NR1H4: variants seen among roughly 807,000 people sequenced by gnomAD.
The protein encoded by NR1H4 is nuclear receptor subfamily 1 group H member 4, also known as bile acid receptor.
NR1H4 carries 23 observed loss-of-function variants against 58.5 expected under a neutral mutation model. The ratio of observed to expected loss-of-function variants is 0.39; its 90% CI spans 0.28 to 0.56. The LOEUF is 0.56. Among genes scored for constraint, NR1H4 ranks in the 20% least tolerant of loss-of-function variants. NR1H4 has a pLI of 0.58. For synonymous variants in NR1H4, 214 were observed against 198.0 expected (o/e 1.08, Z -0.68); for missense variants, 487 against 576.9 (o/e 0.84, Z 1.60).
intron 4 of NR1H4, among the ~76,000 whole-genome samples, 181 bp downstream of exon 4, chr12:100,511,324 G>C (rs1954109849): frequency 6.6e-6 from 1 of 152,200 alleles, no homozygotes. Flanking sequence ...AAGACTGTTA[G>C]AGTATTTAGC....
At chr12:100,474,982 C>T (rs531431939) in intron 1 of NR1H4, among the ~76,000 whole-genome samples, 28 of 152,090 alleles carry the variant, frequency 1.8e-4, no homozygotes, top group Non-Finnish European at 3.2e-4. Flanking sequence ...CAGGAAGAAA[C>T]TTTTGGAGGT....
chr12:100,475,266 T>C (rs1367696918), intron 1 of NR1H4, among the ~76,000 whole-genome samples: 1 of 152,160 alleles, frequency 6.6e-6, no homozygotes, highest in Non-Finnish European at 1.5e-5. Flanking sequence ...ATAGACACTT[T>C]TATCTTTGTG....
intron 1 of NR1H4, among the ~76,000 whole-genome samples, chr12:100,483,985 G>GAAAAA (rs61582838): frequency 1.4e-4 from 10 of 70,188 alleles, no homozygotes; most frequent in African/African-American, 1.9e-4. Context: ...CTCTGTCTCA[G>GAAAAA]AAAAAAAAAA....
intron 8 of NR1H4, among the ~76,000 whole-genome samples, chr12:100,538,889 TA>T (rs1475063905): frequency 6.6e-6 from 1 of 152,214 alleles, no homozygotes; most frequent in East Asian, 1.9e-4. Context: ...AAGAGGAACT[TA>T]ATTTACTATA....
intron 9 of NR1H4, among the ~76,000 whole-genome samples, chr12:100,546,790 C>T (rs961759164): frequency 1.3e-5 from 2 of 152,134 alleles, no homozygotes; most frequent in African/African-American, 2.4e-5. Context: ...CTTCCTTTTG[C>T]CTGACCACAC....
rs1954822050 is a variant in NR1H4, at chr12:100,536,675, G to A, written c.831+65G>A. 4.4e-6 allele frequency: 4 copies of A among 907,494 alleles called. No homozygotes were observed. In the Admixed American group the frequency reaches 7.4e-5, roughly 17 times the overall value. The allele number at this position is 907,494 out of a possible 1,614,324, so 56.2% of individuals were successfully genotyped here. The stretch of plus-strand genomic sequence containing the variant: ...TATTTTCTGGAGTTTTTATTGCCTT[G>A]GAGGTATAATTTATATGTGAATATG... On this transcript the variant is annotated intron_variant, in intron 7 of 10. Transcript: ENST00000392986.
chr12:100,556,345 T>A (rs1593135961), intron 9 of NR1H4, among the ~76,000 whole-genome samples: 1 of 151,770 alleles, frequency 6.6e-6, no homozygotes, highest in African/African-American at 2.4e-5. Context: ...TGCATGCCTG[T>A]AATCCCAGCT....
intron 3 of NR1H4, among the ~76,000 whole-genome samples, chr12:100,507,180 G>C (rs1953986743): frequency 2.0e-5 from 3 of 152,150 alleles, no homozygotes; most frequent in Admixed American, 1.3e-4. Flanking sequence ...AGGAAGGGGA[G>C]TTAAGGGAAT....
rs762706145 is a variant in NR1H4 at position 100,476,859 on chromosome 12, C to T, written c.-190+2800C>T. Among the ~76,000 whole-genome samples, 115 of 151,940 alleles carry T rather than the reference C, an allele frequency of 7.6e-4. 1 individual carries two copies. The highest frequency in any genetic ancestry group is 1.8e-4 in the Non-Finnish European group (12 of 67,978). ...CTATGATAATGCCACTATACTCTAG[C>T]CTGGGTAACATAGAGAGACACCACC... is the stretch of plus-strand genomic sequence containing the variant. On this transcript the variant is annotated intron_variant, in intron 1 of 10. Transcript: ENST00000392986.
At chr12:100,547,185 C>A (rs1386194367) in intron 9 of NR1H4, among the ~76,000 whole-genome samples, 1 of 152,118 alleles carries the variant, frequency 6.6e-6, no homozygotes, top group Non-Finnish European at 1.5e-5. Context: ...GGAGTTGGAG[C>A]TCAAGGATAT....
chr12:100,539,913 T>C (rs529810801), intron 8 of NR1H4, among the ~76,000 whole-genome samples: 23 of 152,226 alleles, frequency 1.5e-4, no homozygotes, highest in Admixed American at 1.1e-3. Context: ...GAGCAGGGCA[T>C]GGGGCATGGG....
intron 8 of NR1H4, among the ~76,000 whole-genome samples, chr12:100,538,475 A>G (rs1391879384): frequency 6.6e-6 from 1 of 152,124 alleles, no homozygotes; most frequent in African/African-American, 2.4e-5. Flanking sequence ...ACTTATCCAC[A>G]CTCATTCTGA....
rs57279419 is a variant in NR1H4, at chr12:100,484,354, G to A, written c.-189-8149G>A. On this transcript the variant is annotated intron_variant, in intron 1 of 10. Coordinates refer to ENST00000392986, the MANE Select transcript of NR1H4 (RefSeq NM_001206979.2). ...ATACTAAGTCAGAGGAGCTCCATAC[G>A]CCATGAACTTCCCATGACACACGGT... Among the ~76,000 whole-genome samples, 1,030 of 152,156 alleles carry A rather than the reference G, an allele frequency of 6.8e-3. 11 individuals carry two copies. Among genetic ancestry groups the A allele is most frequent in the African/African-American group, 0.024 (985 of 41,504 alleles).
At chr12:100,494,002 C>T (rs577686973) in intron 3 of NR1H4, among the ~76,000 whole-genome samples, 1 of 152,264 alleles carries the variant, frequency 6.6e-6, no homozygotes, top group Non-Finnish European at 1.5e-5. Flanking sequence ...CAACTGCAAA[C>T]ATTAACAAAG....
intron 3 of NR1H4, among the ~76,000 whole-genome samples, chr12:100,503,713 C>G (rs1305642651): frequency 6.6e-6 from 1 of 152,134 alleles, no homozygotes; most frequent in East Asian, 1.9e-4. Flanking sequence ...GATGTTTCCC[C>G]TAATATTCTT....
intron 1 of NR1H4, among the ~76,000 whole-genome samples, chr12:100,485,300 C>T (rs1953467894): frequency 6.6e-6 from 1 of 152,066 alleles, no homozygotes; most frequent in Non-Finnish European, 1.5e-5. Flanking sequence ...AGAAAGGAGC[C>T]ATAGAGAGCA....
intron 4 of NR1H4, among the ~76,000 whole-genome samples, 179 bp downstream of exon 4, chr12:100,511,322 TAGAG>T (rs1954109776): frequency 6.6e-6 from 1 of 152,230 alleles, no homozygotes; most frequent in Non-Finnish European, 1.5e-5. Context: ...AAAAGACTGT[TAGAG>T]TATTTAGCTT....
In NR1H4 at chr12:100,511,099, C is replaced by A; in HGVS notation, c.401C>A (p.Ala134Asp). ...CTGTGTGTTGTTTGTGGAGACAGAG[C>A]CTCTGGATACCACTATAATGCACTG... is the stretch of plus-strand genomic sequence containing the variant. ...DELCVVCGDR[A>D]SGYHYNALTC... Residue 134 changes from alanine (A) to aspartate (D), a missense_variant, in exon 4 of 11, where the codon GCC (alanine) becomes GAC (aspartate). Ala to Asp is a moderately radical substitution (Grantham distance 126). Transcript: ENST00000392986. 1 of 1,614,196 alleles carries A rather than the reference C, an allele frequency of 6.2e-7. No homozygotes were observed. Among genetic ancestry groups the A allele is most frequent in the Non-Finnish European group, 8.5e-7 (1 of 1,180,026 alleles).
chr12:100,531,808 G>T (rs11110412), intron 4 of NR1H4, among the ~76,000 whole-genome samples: 4,311 of 152,142 alleles, frequency 0.028, 96 homozygotes, highest in Admixed American at 0.042. Context: ...TACCTTCTCG[G>T]GGGAGATGGT....
Sources: allele counts gnomAD v4.1 joint callset (sites outside exome capture counted in the v4.1 genomes callset), GRCh38; gene constraint gnomAD v4.1.1; transcripts MANE v1.5; gene names NCBI Gene and HGNC (gene_info 2026-07-23, HGNC 2026-07-21).